Variants in RNF125 observed in about 807,000 individuals in gnomAD.
RNF125 encodes the protein E3 ubiquitin-protein ligase RNF125.
A neutral mutation model predicts 26.0 loss-of-function variants in RNF125; 21 were observed. That is an observed-to-expected ratio of 0.81 (90% CI 0.57 to 1.16). The LOEUF (loss-of-function observed/expected upper bound fraction) is 1.16. Ranked by LOEUF, RNF125 falls within the 50% of genes most tolerant of loss-of-function variation. The probability of loss-of-function intolerance (pLI) is 0.00; values close to 1 mark genes in which losing one functional copy is unlikely to be tolerated. For missense variants in RNF125, 270 were observed against 299.4 expected (o/e 0.90, Z 0.72); for synonymous variants, 95 against 109.2 (o/e 0.87, Z 0.81).
chr18:32,047,223 A>G (rs1489845912), intron 4 of RNF125, among the ~76,000 whole-genome samples: 1 of 152,120 alleles, frequency 6.6e-6, no homozygotes, highest in Non-Finnish European at 1.5e-5. Flanking sequence ...TTTTTTTGAT[A>G]GAGACAGGGT....
At chr18:32,040,704 C>G (rs571612582) in intron 2 of RNF125, among the ~76,000 whole-genome samples, 1 of 152,294 alleles carries the variant, frequency 6.6e-6, no homozygotes, top group East Asian at 1.9e-4. Context: ...AATCTTGTGT[C>G]TAGACTATGA....
the RNF125 span, among the ~76,000 whole-genome samples, chr18:32,083,426 C>T: frequency 6.6e-6 from 1 of 152,156 alleles, no homozygotes; most frequent in Admixed American, 6.5e-5. Context: ...AATTATTGAA[C>T]TTCATGTATA....
At chr18:32,056,211 T>C (rs1252274513) in intron 4 of RNF125, among the ~76,000 whole-genome samples, 3 of 152,078 alleles carry the variant, frequency 2.0e-5, no homozygotes, top group Non-Finnish European at 2.9e-5. Flanking sequence ...AGAGATTTCG[T>C]AGACTTTCTG....
intron 4 of RNF125, 83 bp from the exon 5 acceptor site, chr18:32,065,819 C>G (rs959006363): frequency 1.0e-6 from 1 of 979,300 alleles, no homozygotes; most frequent in Middle Eastern, 2.2e-4. Flanking sequence ...GCGTAAGCCA[C>G]CGCGCCCAGC....
At chr18:32,074,552 T>A (rs2039556791), downstream of RNF125, among the ~76,000 whole-genome samples, 1 of 151,944 alleles carries the variant, frequency 6.6e-6, no homozygotes, top group Non-Finnish European at 1.5e-5. Context: ...TTTCTTTTCT[T>A]TTTTTTTAGA....
chr18:32,084,433 T>G, the RNF125 span, among the ~76,000 whole-genome samples: 1 of 152,202 alleles, frequency 6.6e-6, no homozygotes, highest in Admixed American at 6.5e-5. Context: ...TGTTGAAATC[T>G]ATTCATCATT....
At chr18:32,063,625 A>C (rs2039455305) in intron 4 of RNF125, among the ~76,000 whole-genome samples, 1 of 152,202 alleles carries the variant, frequency 6.6e-6, no homozygotes, top group Admixed American at 6.5e-5. Context: ...TTGTACACAA[A>C]TATTTCTTGG....
intron 4 of RNF125, among the ~76,000 whole-genome samples, chr18:32,049,914 C>T (rs1163268834): frequency 6.6e-6 from 1 of 151,994 alleles, no homozygotes; most frequent in East Asian, 1.9e-4. Flanking sequence ...CTTAGGGGTC[C>T]CTAATGGGGA....
At chr18:32,078,604 C>T in the RNF125 span, among the ~76,000 whole-genome samples, 1 of 151,596 alleles carries the variant, frequency 6.6e-6, no homozygotes, top group Non-Finnish European at 1.5e-5. Flanking sequence ...CATGCCATTG[C>T]ACTCCAGCCT....
Position 32,061,795 on chromosome 18 carries a change from G to A in RNF125, c.505-4107G>A, listed in dbSNP as rs143203349. Among the ~76,000 whole-genome samples the A allele has an allele frequency of 7.8e-3, 1,189 of 152,316 alleles. 21 individuals carry two copies. The highest frequency in any genetic ancestry group is 0.027 in the African/African-American group (1,133 of 41,568). Reference sequence around the variant, plus strand: ...TATGGCACTTGATACACTATTGAAAGTATCTGCTTAAGTGATAATAATGGC... The same window carrying A: ...TATGGCACTTGATACACTATTGAAAATATCTGCTTAAGTGATAATAATGGC... On this transcript the variant is annotated intron_variant, in intron 4 of 5. Transcript: ENST00000217740.
At chr18:32,037,526 T>C (rs2039170631) in intron 2 of RNF125, among the ~76,000 whole-genome samples, 2 of 151,708 alleles carry the variant, frequency 1.3e-5, no homozygotes, top group African/African-American at 4.8e-5. Context: ...GCACCTGCCA[T>C]CACGCCTGGC....
In RNF125 at chr18:32,070,282, C is replaced by T. The variant is rs1433845479; in HGVS notation, c.*1898C>T. On this transcript the variant is annotated 3_prime_UTR_variant, in exon 6 of 6. Coordinates refer to ENST00000217740, the MANE Select transcript of RNF125 (RefSeq NM_017831.4). ...TGAACTCCTGAACTCAAGTGATCCA[C>T]CAGCCTTGGCCTCCCAAAATGCTGG... 6.6e-6 allele frequency: 1 copy of T among 152,284 alleles called. No homozygotes were observed. Among genetic ancestry groups the T allele is most frequent in the African/African-American group, 2.4e-5 (1 of 41,458 alleles). The allele number at this position is 152,284 out of a possible 1,614,324, so 9.4% of individuals were successfully genotyped here.
At chr18:32,035,611 T>C (rs1406522119) in intron 1 of RNF125, among the ~76,000 whole-genome samples, 4 of 152,128 alleles carry the variant, frequency 2.6e-5, no homozygotes, top group Non-Finnish European at 5.9e-5. Context: ...AACAATATAA[T>C]GAATCTTTTG....
chr18:32,024,852 A>C (rs1435032734), intron 1 of RNF125, among the ~76,000 whole-genome samples: 1 of 152,116 alleles, frequency 6.6e-6, no homozygotes, highest in Non-Finnish European at 1.5e-5. Flanking sequence ...AGGCCGAGGC[A>C]GGCGGATCAC....
chr18:32,051,694 C>CTTTTTTTTT, intron 4 of RNF125, among the ~76,000 whole-genome samples: 1 of 118,032 alleles, frequency 8.5e-6, no homozygotes, highest in Non-Finnish European at 1.6e-5. Context: ...TATTTTCTTT[C>CTTTTTTTTT]TTTTTTTTTT....
the RNF125 span, among the ~76,000 whole-genome samples, chr18:32,088,911 G>A: frequency 7.9e-5 from 12 of 152,148 alleles, no homozygotes; most frequent in South Asian, 1.0e-3. Context: ...GCTTCATTCT[G>A]GGGGGGAAAG....
chr18:32,052,984 A>G (rs73954986), intron 4 of RNF125, among the ~76,000 whole-genome samples: 2,414 of 152,348 alleles, frequency 0.016, 56 homozygotes, highest in African/African-American at 0.052. Flanking sequence ...GAAAAAAATT[A>G]AGTTCTGACA....
the RNF125 span, among the ~76,000 whole-genome samples, chr18:32,088,913 G>C: frequency 1.3e-5 from 2 of 152,160 alleles, no homozygotes; most frequent in Non-Finnish European, 2.9e-5. Context: ...TTCATTCTGG[G>C]GGGGAAAGGT....
At chr18:32,047,072 G>A (rs561088954) in intron 4 of RNF125, among the ~76,000 whole-genome samples, 1 of 151,900 alleles carries the variant, frequency 6.6e-6, no homozygotes, top group South Asian at 2.1e-4. Context: ...TAGACGTGCT[G>A]TGTCGCCAGG....
Sources: allele counts gnomAD v4.1 joint callset (sites outside exome capture counted in the v4.1 genomes callset), GRCh38; gene constraint gnomAD v4.1.1; transcripts MANE v1.5; gene names NCBI Gene and HGNC (gene_info 2026-07-23, HGNC 2026-07-21).